MED12L: variants seen among roughly 807,000 people sequenced by gnomAD.
The protein encoded by MED12L is mediator complex subunit 12L.
MED12L carries 60 observed loss-of-function variants against 281.3 expected under a neutral mutation model. The ratio of observed to expected loss-of-function variants is 0.21; its 90% CI spans 0.17 to 0.26. MED12L has a LOEUF of 0.26. MED12L is among the 10% of genes least tolerant of loss of function. The pLI is 1.00. For missense variants in MED12L, 2,146 were observed against 2,680.9 expected (o/e 0.80, Z 4.41); for synonymous variants, 974 against 987.2 (o/e 0.99, Z 0.25).
At chr3:151,188,999 C>T (rs1296784402) in intron 13 of MED12L, among the ~76,000 whole-genome samples, 2 of 152,132 alleles carry the variant, frequency 1.3e-5, no homozygotes, top group African/African-American at 4.8e-5. Flanking sequence ...TAAACAGCCA[C>T]CCAGTGGGTT....
chr3:151,118,456 T>C (rs985972769), intron 3 of MED12L, among the ~76,000 whole-genome samples: 6 of 152,220 alleles, frequency 3.9e-5, no homozygotes, highest in Admixed American at 1.3e-4. Flanking sequence ...TTTGTCTTTT[T>C]TCAATCTTGG....
At position 151,357,253 on chromosome 3, in the gene MED12L, T is replaced by G; in HGVS notation, c.2702T>G (p.Leu901Arg). 6.2e-7 allele frequency: 1 copy of G among 1,613,522 alleles called. No individual in the cohort carries two copies. The highest frequency in any genetic ancestry group is 1.6e-4 in the Middle Eastern group (1 of 6,062). ...ELSVVEAELL[L>R]KSSSLAGSYT... ...AGTGTTGTGGAAGCTGAACTGCTCCTAAAATCCTCCAGCCTGGCAGGAAGT... is the reference window on the plus strand; with the variant it reads ...AGTGTTGTGGAAGCTGAACTGCTCCGAAAATCCTCCAGCCTGGCAGGAAGT... Residue 901 changes from leucine to arginine, a missense_variant, in exon 20 of 45, where the codon CTA (leucine) becomes CGA (arginine). By Grantham distance (102) the Leu-to-Arg change is moderately radical. This residue lies in a region of MED12L where 404 missense variants were observed against 603.5 expected (regional missense o/e 0.67). Transcript: ENST00000687756.
intron 2 of MED12L, among the ~76,000 whole-genome samples, chr3:151,097,939 G>A (rs1362069487): frequency 6.6e-6 from 1 of 152,210 alleles, no homozygotes; most frequent in Non-Finnish European, 1.5e-5. Context: ...AGAGATTTTT[G>A]AATCTGGAAC....
At position 151,435,145 on chromosome 3, in the gene MED12L, C is replaced by T. The variant is rs1028366167; in HGVS notation, c.*2341C>T. 6.7e-6 allele frequency: 1 copy of T among 149,506 alleles called. No individual in the cohort carries two copies. The highest frequency in any genetic ancestry group is 2.5e-5 in the African/African-American group (1 of 40,318). The allele number at this position is 149,506 out of a possible 1,614,324, so 9.3% of individuals were successfully genotyped here. ...CACAAGGTAAAGCCCTGTGGCAGAA[C>T]CTGGTACTTTACCTTACCAGAGGAA... is the stretch of plus-strand genomic sequence containing the variant. On this transcript the variant is annotated 3_prime_UTR_variant, in exon 45 of 45. Coordinates refer to ENST00000687756, the MANE Select transcript of MED12L (RefSeq NM_001393769.1).
intron 2 of MED12L, among the ~76,000 whole-genome samples, chr3:151,089,631 G>T (rs1431392824): frequency 6.6e-6 from 1 of 151,326 alleles, no homozygotes; most frequent in African/African-American, 2.4e-5. Flanking sequence ...GCTCCCAGAA[G>T]GTAGGGTGGA....
chr3:151,169,276 G>A (rs1453979291), intron 11 of MED12L, among the ~76,000 whole-genome samples: 1 of 151,398 alleles, frequency 6.6e-6, no homozygotes, highest in Admixed American at 6.6e-5. Context: ...CTGCCGTCAC[G>A]CCCGGTTAAT....
intron 43 of MED12L, among the ~76,000 whole-genome samples, chr3:151,418,127 ATTC>A (rs1216897695): frequency 2.6e-5 from 4 of 152,290 alleles, no homozygotes; most frequent in Middle Eastern, 3.4e-3. Context: ...AGATTTACTA[ATTC>A]TTAACATTTT....
At chr3:151,242,395 C>T (rs961668312) in intron 16 of MED12L, among the ~76,000 whole-genome samples, 1 of 152,234 alleles carries the variant, frequency 6.6e-6, no homozygotes, top group African/African-American at 2.4e-5. Flanking sequence ...TTGAAGAGAG[C>T]AGTGGTTCTC....
chr3:151,097,779 C>G (rs1720907624), intron 2 of MED12L, among the ~76,000 whole-genome samples: 1 of 152,140 alleles, frequency 6.6e-6, no homozygotes, highest in African/African-American at 2.4e-5. Context: ...ACCAAACAAC[C>G]CCCTACACCA....
At chr3:151,350,704 C>T (rs951811195) in intron 17 of MED12L, among the ~76,000 whole-genome samples, 13 of 152,064 alleles carry the variant, frequency 8.5e-5, no homozygotes, top group African/African-American at 3.1e-4. Context: ...AAAATGATTG[C>T]AGTAGGTAGT....
At chr3:151,246,492 A>T (rs1167474082) in intron 16 of MED12L, among the ~76,000 whole-genome samples, 1 of 152,166 alleles carries the variant, frequency 6.6e-6, no homozygotes, top group African/African-American at 2.4e-5. Context: ...CTGATCTTTG[A>T]CAAACCTGAG....
intron 11 of MED12L, among the ~76,000 whole-genome samples, chr3:151,169,209 C>T (rs1476134277): frequency 6.6e-6 from 1 of 150,554 alleles, no homozygotes; most frequent in African/African-American, 2.4e-5. Context: ...CCTCCACTTC[C>T]TGGGTTCAAG....
intron 16 of MED12L, among the ~76,000 whole-genome samples, chr3:151,323,346 G>A (rs868580505): frequency 5.9e-5 from 9 of 152,156 alleles, no homozygotes; most frequent in African/African-American, 1.7e-4. Context: ...CTAAAGCACA[G>A]CCCAGAACAT....
At chr3:151,357,580 T>C (rs1454283629) in intron 20 of MED12L, among the ~76,000 whole-genome samples, 1 of 152,192 alleles carries the variant, frequency 6.6e-6, no homozygotes, top group Non-Finnish European at 1.5e-5. Flanking sequence ...TGATTCCTTC[T>C]TCCCTTCCTC....
At chr3:151,318,372 T>C (rs1461617694) in intron 16 of MED12L, among the ~76,000 whole-genome samples, 1 of 152,054 alleles carries the variant, frequency 6.6e-6, no homozygotes, top group Non-Finnish European at 1.5e-5. Context: ...TTTTTTTTTT[T>C]TTGAAACCAG....
At chr3:151,199,126 G>A (rs111283981) in intron 16 of MED12L, 34 of 1,613,882 alleles carry the variant, frequency 2.1e-5, no homozygotes, top group Non-Finnish European at 2.7e-5. Context: ...CTGTTACTTG[G>A]CAGTGGAATA....
At chr3:151,422,819 C>CTTTT (rs34923048) in intron 43 of MED12L, among the ~76,000 whole-genome samples, 1 of 131,004 alleles carries the variant, frequency 7.6e-6, no homozygotes, top group Non-Finnish European at 1.6e-5. Context: ...TGATTCATTG[C>CTTTT]TTTTTTTTTT....
intron 7 of MED12L, 25 bp downstream of exon 7, chr3:151,158,824 A>G (rs1424928334): frequency 6.6e-7 from 1 of 1,512,914 alleles, no homozygotes; most frequent in South Asian, 1.2e-5. Context: ...CCCTTGAGGC[A>G]GTTGGTTTTA....
In MED12L at chr3:151,377,124, T is replaced by C. The variant is rs1315050599; in HGVS notation, c.4262T>C (p.Ile1421Thr). The C allele has an allele frequency of 1.2e-6, 2 of 1,613,928 alleles. No homozygotes were observed. The highest frequency in any genetic ancestry group is 1.1e-5 in the South Asian group (1 of 91,078). The change falls in exon 30 of 45, where the codon ATT becomes ACT. Residue 1421 changes from isoleucine to threonine, a missense_variant. Coordinates refer to ENST00000687756, the MANE Select transcript of MED12L (RefSeq NM_001393769.1). Reference protein sequence around the residue: ...SGMSLFNPNSIGSADTSSTRQ... With the variant: ...SGMSLFNPNSTGSADTSSTRQ... Reference sequence around the variant, plus strand: ...ATGAGCCTCTTCAACCCAAACAGTATTGGAAGTGCTGATACAAGTAGCACG... The same window carrying C: ...ATGAGCCTCTTCAACCCAAACAGTACTGGAAGTGCTGATACAAGTAGCACG...
Sources: allele counts gnomAD v4.1 joint callset (sites outside exome capture counted in the v4.1 genomes callset), GRCh38; gene constraint gnomAD v4.1.1; regional missense constraint gnomAD v4.1.1; transcripts MANE v1.5; gene names NCBI Gene and HGNC (gene_info 2026-07-23, HGNC 2026-07-21).